The following LRRTM4 variants were observed in gnomAD, a reference collection of about 807,000 sequenced individuals.
The protein encoded by LRRTM4 is leucine-rich repeat transmembrane neuronal protein 4.
Under a neutral mutation model 47.6 loss-of-function variants are expected in LRRTM4, and 25 were observed. The observed-to-expected ratio is 0.53, with a 90% CI of 0.38 to 0.73. The LOEUF (loss-of-function observed/expected upper bound fraction) is 0.73, where lower values mean the gene tolerates loss of function less well. LRRTM4 is among the 30% of genes least tolerant of loss of function. The probability of loss-of-function intolerance (pLI) is 0.00; values close to 1 mark genes in which losing one functional copy is unlikely to be tolerated. For missense variants in LRRTM4, 638 were observed against 713.4 expected (o/e 0.89, Z 1.20); for synonymous variants, 311 against 269.5 (o/e 1.15, Z -1.51).
rs116567428 is a variant in LRRTM4 at position 76,855,082 on chromosome 2, G to A, written c.1552-106166C>T. 9.6e-3 allele frequency among the ~76,000 whole-genome samples: 1,467 copies of A among 152,276 alleles called. 9 individuals carry two copies. The highest frequency in any genetic ancestry group is 0.017 in the Non-Finnish European group (1,169 of 68,016). Reference sequence around the variant, plus strand: ...AAAGAGAAGAAATGTTTCACTAATTGGATATCTGCGAGCGGAGCATTCCAG... The same window carrying A: ...AAAGAGAAGAAATGTTTCACTAATTAGATATCTGCGAGCGGAGCATTCCAG... On this transcript the variant is annotated intron_variant, in intron 3 of 3. Transcript: ENST00000409884.
At chr2:77,308,544 T>C (rs1253077061) in intron 3 of LRRTM4, among the ~76,000 whole-genome samples, 2 of 152,166 alleles carry the variant, frequency 1.3e-5, no homozygotes, top group Non-Finnish European at 2.9e-5. Context: ...TTTATCATTT[T>C]AAATAACATA....
At chr2:77,288,871 G>C (rs10167787) in intron 3 of LRRTM4, among the ~76,000 whole-genome samples, 17,936 of 151,970 alleles carry the variant, frequency 0.12, 2,140 homozygotes, top group African/African-American at 0.3. Context: ...AATTGGGATG[G>C]AGCCACAGAA....
chr2:77,366,768 A>G (rs1217992983), intron 3 of LRRTM4, among the ~76,000 whole-genome samples: 1 of 151,840 alleles, frequency 6.6e-6, no homozygotes, highest in Non-Finnish European at 1.5e-5. Context: ...TCTAGTCTCA[A>G]GAACTATATT....
intron 3 of LRRTM4, among the ~76,000 whole-genome samples, chr2:77,273,694 CTAATG>C (rs1676265051): frequency 6.6e-6 from 1 of 152,126 alleles, no homozygotes; most frequent in Non-Finnish European, 1.5e-5. Context: ...AATTACATGA[CTAATG>C]TATAAAATCA....
At chr2:77,276,463 T>G (rs898455543) in intron 3 of LRRTM4, among the ~76,000 whole-genome samples, 1 of 149,896 alleles carries the variant, frequency 6.7e-6, no homozygotes. Context: ...AATCTTGTCA[T>G]AGGAAATATA....
intron 3 of LRRTM4, among the ~76,000 whole-genome samples, chr2:77,195,247 A>C (rs1457381903): frequency 6.6e-6 from 1 of 151,914 alleles, no homozygotes; most frequent in African/African-American, 2.4e-5. Flanking sequence ...ATGACATGCC[A>C]CTAAAATATA....
chr2:77,393,583 G>A (rs554992485), intron 3 of LRRTM4, among the ~76,000 whole-genome samples: 1 of 151,948 alleles, frequency 6.6e-6, no homozygotes, highest in African/African-American at 2.4e-5. Flanking sequence ...TATCCGGAAG[G>A]CTCTGGGGAA....
At chr2:77,020,952 T>G (rs1380621549) in intron 3 of LRRTM4, among the ~76,000 whole-genome samples, 1 of 152,176 alleles carries the variant, frequency 6.6e-6, no homozygotes, top group African/African-American at 2.4e-5. Flanking sequence ...AATTTTTGAA[T>G]GGGAGCTTCT....
At chr2:77,078,760 T>C (rs1680432994) in intron 3 of LRRTM4, among the ~76,000 whole-genome samples, 1 of 152,180 alleles carries the variant, frequency 6.6e-6, no homozygotes, top group African/African-American at 2.4e-5. Flanking sequence ...GCCTTTTCAT[T>C]AGGGAGATAC....
At chr2:76,943,224 T>C (rs1300367151) in intron 3 of LRRTM4, among the ~76,000 whole-genome samples, 1 of 152,070 alleles carries the variant, frequency 6.6e-6, no homozygotes, top group African/African-American at 2.4e-5. Context: ...CCAATATTTT[T>C]AAAAGCTGCC....
chr2:77,191,805 G>A (rs1360980946), intron 3 of LRRTM4, among the ~76,000 whole-genome samples: 2 of 152,012 alleles, frequency 1.3e-5, no homozygotes, highest in East Asian at 1.9e-4. Flanking sequence ...TGTTCAAGGT[G>A]TGCTGGCTTG....
chr2:77,366,206 C>T (rs867617235), intron 3 of LRRTM4, among the ~76,000 whole-genome samples: 8 of 151,924 alleles, frequency 5.3e-5, no homozygotes, highest in South Asian at 2.1e-4. Flanking sequence ...TCTTCTGCTG[C>T]CCTCCCTGAC....
intron 3 of LRRTM4, among the ~76,000 whole-genome samples, chr2:76,946,030 A>G (rs911593953): frequency 3.3e-5 from 5 of 151,828 alleles, no homozygotes; most frequent in African/African-American, 1.2e-4. Context: ...CAATATCACT[A>G]AAGTATAGCA....
At chr2:77,381,102 T>A (rs1010741546) in intron 3 of LRRTM4, among the ~76,000 whole-genome samples, 1 of 152,072 alleles carries the variant, frequency 6.6e-6, no homozygotes. Context: ...ATAAAGCAGT[T>A]ATTTTGATTA....
At chr2:77,122,823 A>T (rs1232509296) in intron 3 of LRRTM4, among the ~76,000 whole-genome samples, 1 of 151,886 alleles carries the variant, frequency 6.6e-6, no homozygotes, top group Non-Finnish European at 1.5e-5. Flanking sequence ...ATTCCACAAT[A>T]TATAATGAGT....
chr2:77,011,182 C>A (rs1677858348), intron 3 of LRRTM4, among the ~76,000 whole-genome samples: 1 of 152,008 alleles, frequency 6.6e-6, no homozygotes, highest in Admixed American at 6.6e-5. Context: ...AGTTTTAACA[C>A]AGTTTAGCCC....
chr2:77,488,532 A>T (rs951018811), intron 3 of LRRTM4, among the ~76,000 whole-genome samples: 2 of 152,190 alleles, frequency 1.3e-5, no homozygotes, highest in African/African-American at 4.8e-5. Context: ...CTGATCACAA[A>T]GTTTTTCATC....
At chr2:76,834,019 A>AT (rs1553416831) in intron 3 of LRRTM4, among the ~76,000 whole-genome samples, 2 of 140,538 alleles carry the variant, frequency 1.4e-5, no homozygotes, top group African/African-American at 5.3e-5. Context: ...TCATTTATTT[A>AT]TTATTTATTT....
chr2:76,940,039 T>TG (rs1436148087), intron 3 of LRRTM4, among the ~76,000 whole-genome samples: 1 of 152,168 alleles, frequency 6.6e-6, no homozygotes, highest in South Asian at 2.1e-4. Context: ...ACACTCTTGG[T>TG]GGGGGTGTAA....
Sources: allele counts gnomAD v4.1 joint callset (sites outside exome capture counted in the v4.1 genomes callset), GRCh38; gene constraint gnomAD v4.1.1; transcripts MANE v1.5; gene names NCBI Gene and HGNC (gene_info 2026-07-23, HGNC 2026-07-21).